Variants in FMO4 observed in about 807,000 individuals in gnomAD.
FMO4 encodes the protein flavin containing dimethylaniline monoxygenase 4, also known as dimethylaniline monooxygenase [N-oxide-forming] 4.
A neutral mutation model predicts 43.3 loss-of-function variants in FMO4; 38 were observed. The ratio of observed to expected loss-of-function variants is 0.88; its 90% CI spans 0.68 to 1.15. The LOEUF is 1.15. FMO4 is among the 50% of genes most tolerant of loss of function. The pLI, the probability that FMO4 is intolerant of heterozygous loss-of-function variation, is 0.00. For missense variants in FMO4, 631 were observed against 663.3 expected (o/e 0.95, Z 0.54); for synonymous variants, 224 against 232.2 (o/e 0.96, Z 0.32).
chr1:171,339,960 T>A (rs1469086323), intron 9 of FMO4, among the ~76,000 whole-genome samples: 3 of 152,136 alleles, frequency 2.0e-5, no homozygotes, highest in Non-Finnish European at 4.4e-5. Flanking sequence ...ACTACGAGTT[T>A]TAGCCAGTCT....
intron 9 of FMO4, among the ~76,000 whole-genome samples, chr1:171,339,470 TAGA>T (rs1427252536): frequency 1.3e-5 from 2 of 152,146 alleles, no homozygotes; most frequent in East Asian, 1.9e-4. Context: ...CAGCAGCAGC[TAGA>T]AGAACTCACA....
Position 171,337,357 on chromosome 1 carries a change from A to C in FMO4, c.1182A>C (p.Gly394=), listed in dbSNP as rs1034566829. The change falls in exon 9 of 10, where the codon GGA becomes GGC. Residue 394 remains glycine (G), a splice_region_variant and synonymous_variant. Coordinates refer to ENST00000367749, the MANE Select transcript of FMO4 (RefSeq NM_002022.3). ...QARWVTRVFK[G]LCKIPPSQKL... is the part of the protein sequence containing the mutation. ...TGTTGTTTGTGATTTTTCCCACAGGACTCTGTAAGATACCTCCATCCCAAA... is the reference window on the plus strand; with the variant it reads ...TGTTGTTTGTGATTTTTCCCACAGGCCTCTGTAAGATACCTCCATCCCAAA... 5 of 1,606,790 alleles carry C rather than the reference A, an allele frequency of 3.1e-6. No homozygotes were observed. Among genetic ancestry groups the C allele is most frequent in the Non-Finnish European group, 4.3e-6 (5 of 1,173,534 alleles).
intron 8 of FMO4, 52 bp from the exon 9 acceptor site, chr1:171,337,300 TTAAA>T (rs1663160584): frequency 8.3e-7 from 1 of 1,203,224 alleles, no homozygotes; most frequent in Admixed American, 1.7e-5. Flanking sequence ...GGTGGAGAAT[TTAAA>T]TAAAGGAAAA....
chr1:171,331,904 GA>G (rs71103398), intron 6 of FMO4, 122 bp downstream of exon 6: 16,106 of 653,658 alleles, frequency 0.025, 46 homozygotes, highest in South Asian at 0.04. Context: ...CAGTAAGTGG[GA>G]AAAAAAAAAA....
intron 3 of FMO4, among the ~76,000 whole-genome samples, chr1:171,321,216 G>A (rs553276581): frequency 1.4e-4 from 22 of 151,728 alleles, no homozygotes; most frequent in Admixed American, 1.1e-3. Flanking sequence ...ACAATCTTGA[G>A]GTAAACAAAT....
Position 171,334,663 on chromosome 1 carries a change from A to G in FMO4, c.1080A>G (p.Leu360=). ...ACAAGCAAGTCTTTCCCTTAAACCT[A>G]GAGAGAGCGACATTAGCCATCATCG... ...FLYKQVFPLN[L]ERATLAIIGL... Residue 360 remains leucine, a synonymous_variant, in exon 8 of 10, where the codon CTA becomes CTG. Transcript: ENST00000367749. The G allele has an allele frequency of 6.2e-7, 1 of 1,613,864 alleles. No homozygotes were observed. The highest frequency in any genetic ancestry group is 8.5e-7 in the Non-Finnish European group (1 of 1,179,796).
chr1:171,338,914 T>G (rs1383212384), intron 9 of FMO4, among the ~76,000 whole-genome samples: 1 of 152,226 alleles, frequency 6.6e-6, no homozygotes, highest in African/African-American at 2.4e-5. Context: ...CACTTAATGT[T>G]CATTTATTTA....
In FMO4 at chr1:171,316,219, G is replaced by T. The variant is rs1298369387; in HGVS notation, c.-117G>T. ...CACAGCAAAGATCTGCCAGCCCCAG[G>T]CCTCTACCTAGTGGCCTGGAAATTC... On this transcript the variant is annotated 5_prime_UTR_variant, in exon 2 of 10. Coordinates refer to ENST00000367749, the MANE Select transcript of FMO4 (RefSeq NM_002022.3). 6.6e-6 allele frequency: 1 copy of T among 152,132 alleles called. No homozygotes were observed. The highest frequency in any genetic ancestry group is 1.5e-5 in the Non-Finnish European group (1 of 68,022). 9.4% of individuals were successfully genotyped at this position (152,132 alleles called of 1,614,324 possible).
intron 2 of FMO4, among the ~76,000 whole-genome samples, chr1:171,318,983 G>T (rs1317283302): frequency 6.6e-6 from 1 of 152,162 alleles, no homozygotes; most frequent in Non-Finnish European, 1.5e-5. Context: ...GGATCTAGAG[G>T]TGTCATAAAA....
At chr1:171,336,986 C>CACACACAT (rs539130163) in intron 8 of FMO4, among the ~76,000 whole-genome samples, 1 of 151,078 alleles carries the variant, frequency 6.6e-6, no homozygotes, top group African/African-American at 2.4e-5. Context: ...CACACACACA[C>CACACACAT]GTACAATGTG....
Position 171,340,739 on chromosome 1 carries a change from C to A in FMO4, c.1251-674C>A, listed in dbSNP as rs571579363. On this transcript the variant is annotated intron_variant, in intron 9 of 9. Transcript: ENST00000367749. ...TAATGAAATAATCAGTGACTGAAAC[C>A]ATTTTCCCATCATCCTTTGTTCTGA... Among the ~76,000 whole-genome samples, 4 of 152,132 alleles carry A rather than the reference C, an allele frequency of 2.6e-5. No homozygotes were observed. In the East Asian group the frequency reaches 7.7e-4, roughly 29 times the overall value.
rs144578261 is a variant in FMO4 at position 171,334,671 on chromosome 1, C to A, written c.1088C>A (p.Ala363Glu). The A allele has an allele frequency of 1.7e-5, 27 of 1,613,352 alleles. No homozygotes were observed. Among genetic ancestry groups the A allele is most frequent in the Non-Finnish European group, 2.3e-5 (27 of 1,179,596 alleles). ...GTCTTTCCCTTAAACCTAGAGAGAG[C>A]GACATTAGCCATCATCGGCCTTATC... is the stretch of plus-strand genomic sequence containing the variant. ...KQVFPLNLER[A>E]TLAIIGLIGL... The change falls in exon 8 of 10, where the codon GCG becomes GAG. Residue 363 changes from alanine to glutamate, a missense_variant. Ala to Glu is a moderately radical substitution (Grantham distance 107). Transcript: ENST00000367749.
At position 171,332,926 on chromosome 1, in the gene FMO4, T is replaced by A; in HGVS notation, c.827+18T>A. ...ACCAAAGGGTACTTACATTTTTTAT[T>A]TAGTAGAAAAAATATTAAATCAATA... On this transcript the variant is annotated intron_variant, in intron 7 of 9. Coordinates refer to ENST00000367749, the MANE Select transcript of FMO4 (RefSeq NM_002022.3). 1.9e-6 allele frequency: 2 copies of A among 1,054,366 alleles called. No homozygotes were observed. Among genetic ancestry groups the A allele is most frequent in the South Asian group, 1.3e-5 (1 of 74,572 alleles). 65.3% of individuals were successfully genotyped at this position (1,054,366 alleles called of 1,614,324 possible). A position where few individuals can be genotyped will look rare whatever the true frequency, so the allele number is the denominator to read the frequency against.
intron 3 of FMO4, 89 bp downstream of exon 3, chr1:171,320,046 G>C (rs189835258): frequency 1.4e-6 from 2 of 1,442,780 alleles, no homozygotes; most frequent in African/African-American, 2.8e-5. Flanking sequence ...TGGTGATCAA[G>C]TAAGGGAGTG....
In FMO4 at chr1:171,335,925, G is replaced by C. The variant is rs573290834; in HGVS notation, c.1180+1162G>C. On this transcript the variant is annotated intron_variant, in intron 8 of 9. Transcript: ENST00000367749. Reference sequence around the variant, plus strand: ...CTTAATTAACTACTGGTTTTAAAAAGTATTTTATGGTGAGCTCCAAAATGG... The same window carrying C: ...CTTAATTAACTACTGGTTTTAAAAACTATTTTATGGTGAGCTCCAAAATGG... Among the ~76,000 whole-genome samples the C allele has an allele frequency of 5.9e-5, 9 of 152,212 alleles. No homozygotes were observed. In the South Asian group the frequency reaches 1.9e-3, roughly 32 times the overall value.
At position 171,334,557 on chromosome 1, in the gene FMO4, T is replaced by G; in HGVS notation, c.974T>G (p.Ile325Ser). The G allele has an allele frequency of 1.2e-6, 2 of 1,613,078 alleles. No homozygotes were observed. The highest frequency in any genetic ancestry group is 1.7e-6 in the Non-Finnish European group (2 of 1,179,024). The change falls in exon 8 of 10, where the codon ATC (isoleucine) becomes AGC (serine). Residue 325 changes from isoleucine to serine, a missense_variant. Coordinates refer to ENST00000367749, the MANE Select transcript of FMO4 (RefSeq NM_002022.3). The stretch of plus-strand genomic sequence containing the variant: ...GTGGAAGAAAACATTGATGTTGTGA[T>G]CTTCACTACAGGATATACATTTTCT... The part of the protein sequence containing the change: ...GTVEENIDVV[I>S]FTTGYTFSFP...
intron 5 of FMO4, among the ~76,000 whole-genome samples, chr1:171,328,735 G>A (rs535511464): frequency 1.1e-4 from 17 of 152,116 alleles, no homozygotes; most frequent in African/African-American, 4.1e-4. Context: ...AGTACCTTGG[G>A]TGGTGTTGAA....
At position 171,337,370 on chromosome 1, in the gene FMO4, C is replaced by A. The variant is rs1663164282; in HGVS notation, c.1195C>A (p.Pro399Thr). The change falls in exon 9 of 10, where the codon CCT (proline) becomes ACT (threonine). Residue 399 changes from proline (P) to threonine (T), a missense_variant. Physicochemically the swap from Pro to Thr is conservative, Grantham distance 38. Transcript: ENST00000367749. ...TRVFKGLCKI[P>T]PSQKLMMEAT... ...TTTTCCCACAGGACTCTGTAAGATACCTCCATCCCAAAAATTGATGATGGA... is the reference window on the plus strand; with the variant it reads ...TTTTCCCACAGGACTCTGTAAGATAACTCCATCCCAAAAATTGATGATGGA... The A allele has an allele frequency of 6.2e-7, 1 of 1,611,308 alleles. No individual in the cohort carries two copies. Among genetic ancestry groups the A allele is most frequent in the African/African-American group, 1.3e-5 (1 of 74,962 alleles).
chr1:171,320,661 G>A (rs1468614351), intron 3 of FMO4, among the ~76,000 whole-genome samples: 1 of 152,086 alleles, frequency 6.6e-6, no homozygotes, highest in African/African-American at 2.4e-5. Flanking sequence ...ATCCAGTAGG[G>A]ACTGAGGGAT....
Sources: gnomAD v4.1 joint callset for allele counts (sites outside exome capture counted in the v4.1 genomes callset) on GRCh38, gnomAD v4.1.1 for gene constraint, MANE v1.5 for transcripts, NCBI Gene and HGNC (gene_info 2026-07-23, HGNC 2026-07-21) for gene names.